APCDD1: variants seen among roughly 807,000 people sequenced by gnomAD.
The protein encoded by APCDD1 is APC down-regulated 1, also known as protein APCDD1.
Under a neutral mutation model 38.1 loss-of-function variants are expected in APCDD1, and 15 were observed. The observed-to-expected ratio is 0.39, with a 90% CI of 0.26 to 0.61. The LOEUF (loss-of-function observed/expected upper bound fraction) is 0.61. Among genes scored for constraint, APCDD1 ranks in the 20% least tolerant of loss-of-function variants. APCDD1 has a pLI of 0.49. For missense variants in APCDD1, 647 were observed against 696.2 expected (o/e 0.93, Z 0.79); for synonymous variants, 261 against 279.7 (o/e 0.93, Z 0.67).
chr18:10,485,591 G>A lies in APCDD1; in HGVS notation c.904G>A (p.Val302Met), dbSNP rs537305657. 2 of 1,613,962 alleles carry A rather than the reference G, an allele frequency of 1.2e-6. No homozygotes were observed. The highest frequency in any genetic ancestry group is 2.2e-5 in the South Asian group (2 of 91,066). Reference sequence around the variant, plus strand: ...GGAGTGGGTGAGCCAGCGCTGTGAGGTGCGCCCCGAAGTCCTCTTCCTCAC... The same window carrying A: ...GGAGTGGGTGAGCCAGCGCTGTGAGATGCGCCCCGAAGTCCTCTTCCTCAC... ...HGEWVSQRCE[V>M]RPEVLFLTRH... The change falls in exon 4 of 5, where the codon GTG (valine) becomes ATG (methionine). Residue 302 changes from valine to methionine, a missense_variant. By Grantham distance (21) the Val-to-Met change is conservative. Coordinates refer to ENST00000355285, the MANE Select transcript of APCDD1 (RefSeq NM_153000.5). This position sits in a 1 kb window ranked among gnomAD's most constrained non-coding sequence, Gnocchi z 5.8.
In APCDD1 at chr18:10,470,474, A is replaced by G. The variant is rs1028555705; in HGVS notation, c.243-1056A>G. On this transcript the variant is annotated intron_variant, in intron 2 of 4. Transcript: ENST00000355285. The surrounding 1 kb of genome is among the most constrained non-coding windows in gnomAD (Gnocchi z 4.1). ...AATAATGCTTATCTTTCACCAGTCC[A>G]TCAATGAGCAAATTAAAATGTTAGC... 2.6e-5 allele frequency among the ~76,000 whole-genome samples: 4 copies of G among 152,262 alleles called. No homozygotes were observed. Among genetic ancestry groups the G allele is most frequent in the African/African-American group, 9.6e-5 (4 of 41,480 alleles).
chr18:10,473,894 G>A (rs962969130), intron 3 of APCDD1, among the ~76,000 whole-genome samples: 3 of 151,004 alleles, frequency 2.0e-5, no homozygotes, highest in East Asian at 1.9e-4. Flanking sequence ...CCTTTGGCTC[G>A]CTCTGAGTAT....
chr18:10,478,413 C>G (rs924950622), intron 3 of APCDD1, among the ~76,000 whole-genome samples: 7 of 152,180 alleles, frequency 4.6e-5, no homozygotes, highest in Non-Finnish European at 7.3e-5. Context: ...GCTGCCATAG[C>G]AAAGCAGCAT....
chr18:10,457,564 G>A (rs954804613), intron 1 of APCDD1, among the ~76,000 whole-genome samples: 1 of 152,108 alleles, frequency 6.6e-6, no homozygotes, highest in African/African-American at 2.4e-5. Context: ...CTATTTATGG[G>A]TCAACTTAGT....
chr18:10,459,787 G>A (rs2030482914), intron 1 of APCDD1, among the ~76,000 whole-genome samples: 1 of 152,278 alleles, frequency 6.6e-6, no homozygotes, highest in South Asian at 2.1e-4. Flanking sequence ...AATTGGGCAG[G>A]CAATTTCATG....
At chr18:10,487,005 C>T (rs947321151) in intron 4 of APCDD1, among the ~76,000 whole-genome samples, 1 of 152,196 alleles carries the variant, frequency 6.6e-6, no homozygotes, top group East Asian at 1.9e-4. Flanking sequence ...CTGGAGGGAC[C>T]TTCAGAAGCA....
Position 10,475,520 on chromosome 18 carries a change from G to A in APCDD1, c.774+3459G>A, listed in dbSNP as rs563042970. On this transcript the variant is annotated intron_variant, in intron 3 of 4. Transcript: ENST00000355285. This position sits in a 1 kb window ranked among gnomAD's most constrained non-coding sequence, Gnocchi z 4.0. ...TTTGCAAAGGAATCAGATATTTATG[G>A]AGGAAATTAATGACTGCCTCAGAGG... Among the ~76,000 whole-genome samples, 3 of 152,324 alleles carry A rather than the reference G, an allele frequency of 2.0e-5. No individual in the cohort carries two copies. Among genetic ancestry groups the A allele is most frequent in the East Asian group, 1.9e-4 (1 of 5,180 alleles).
At chr18:10,483,140 G>T (rs923426623) in intron 3 of APCDD1, among the ~76,000 whole-genome samples, 3 of 152,250 alleles carry the variant, frequency 2.0e-5, no homozygotes, top group African/African-American at 7.2e-5. Context: ...AAAATCACCA[G>T]CTGTGAAGCG....
chr18:10,486,777 A>T (rs1034672210), intron 4 of APCDD1, among the ~76,000 whole-genome samples: 1 of 152,202 alleles, frequency 6.6e-6, no homozygotes, highest in African/African-American at 2.4e-5. Flanking sequence ...GATAGCCTCG[A>T]TCCCAGGTGA....
Position 10,488,123 on chromosome 18 carries a change from T to C in APCDD1, c.*85T>C. 2 of 1,503,168 alleles carry C rather than the reference T, an allele frequency of 1.3e-6. No homozygotes were observed. Among genetic ancestry groups the C allele is most frequent in the Non-Finnish European group, 1.8e-6 (2 of 1,105,664 alleles). The allele number at this position is 1,503,168 out of a possible 1,614,324, so 93.1% of individuals were successfully genotyped here. ...TACCAAAAGAAAAGACATTTATTCT[T>C]TTGATGCACTTGAATGCCAGAGAAC... On this transcript the variant is annotated 3_prime_UTR_variant, in exon 5 of 5. Coordinates refer to ENST00000355285, the MANE Select transcript of APCDD1 (RefSeq NM_153000.5).
chr18:10,479,964 A>C (rs1012975736), intron 3 of APCDD1, among the ~76,000 whole-genome samples: 1 of 152,216 alleles, frequency 6.6e-6, no homozygotes, highest in African/African-American at 2.4e-5. Flanking sequence ...GATTATTTGC[A>C]TGGGATCCTT....
rs2031241331 is a variant in APCDD1 at position 10,485,868 on chromosome 18, CCT to C, written c.1096+88_1096+89del. ...GTGGAGGCAGAGCTGAGGGAAAGGA[CCT>C]CTTTTCTGCCTGAGTTCCCAGGAAA... On this transcript the variant is annotated intron_variant, in intron 4 of 4. Coordinates refer to ENST00000355285, the MANE Select transcript of APCDD1 (RefSeq NM_153000.5). The surrounding 1 kb of genome is among the most constrained non-coding windows in gnomAD (Gnocchi z 5.8). 1.4e-6 allele frequency: 2 copies of C among 1,443,988 alleles called. No individual in the cohort carries two copies. The highest frequency in any genetic ancestry group is 1.9e-6 in the Non-Finnish European group (2 of 1,054,438). 89.4% of individuals were successfully genotyped at this position (1,443,988 alleles called of 1,614,324 possible).
At chr18:10,466,315 C>G (rs548168713) in intron 1 of APCDD1, among the ~76,000 whole-genome samples, 1 of 152,290 alleles carries the variant, frequency 6.6e-6, no homozygotes, top group East Asian at 1.9e-4. Flanking sequence ...TGGTTCAGAA[C>G]TAAGGGGGCG....
Position 10,454,698 on chromosome 18 carries a change from G to A in APCDD1, c.-284G>A. ...GCAGCTCAGAGCGGCGCACGCGGCG[G>A]CCGGGGCGGGACGCGGGGCCGGGCG... is the stretch of plus-strand genomic sequence containing the variant. On this transcript the variant is annotated 5_prime_UTR_variant, in exon 1 of 5. Coordinates refer to ENST00000355285, the MANE Select transcript of APCDD1 (RefSeq NM_153000.5). The A allele has an allele frequency of 1.0e-6, 1 of 984,608 alleles. No individual in the cohort carries two copies. The highest frequency in any genetic ancestry group is 1.2e-6 in the Non-Finnish European group (1 of 830,328). 61.0% of individuals were successfully genotyped at this position (984,608 alleles called of 1,614,324 possible). A position where few individuals can be genotyped will look rare whatever the true frequency, so the allele number is the denominator to read the frequency against.
intron 1 of APCDD1, among the ~76,000 whole-genome samples, chr18:10,462,160 G>A (rs1046930541): frequency 6.9e-6 from 1 of 144,528 alleles, no homozygotes; most frequent in African/African-American, 2.9e-5. Context: ...CCAATTAAGT[G>A]GGGGGGGCTT....
chr18:10,468,458 T>C lies in APCDD1; in HGVS notation c.59-11T>C. 1 of 1,614,176 alleles carries C rather than the reference T, an allele frequency of 6.2e-7. No homozygotes were observed. The highest frequency in any genetic ancestry group is 1.7e-5 in the Admixed American group (1 of 60,036). On this transcript the variant is annotated splice_polypyrimidine_tract_variant and intron_variant, in intron 1 of 4. Coordinates refer to ENST00000355285, the MANE Select transcript of APCDD1 (RefSeq NM_153000.5). ...TCTTCTTTTGGCTAACTTTCCACCT[T>C]TATTTTTCAGGGCTGGGAGAGGGTT... is the stretch of plus-strand genomic sequence containing the variant.
At chr18:10,487,238 C>T (rs1386142941) in intron 4 of APCDD1, among the ~76,000 whole-genome samples, 1 of 152,222 alleles carries the variant, frequency 6.6e-6, no homozygotes, top group African/African-American at 2.4e-5. Context: ...CCCAACGAGT[C>T]AGCATCACCA....
At chr18:10,484,577 C>G (rs1045554346) in intron 3 of APCDD1, among the ~76,000 whole-genome samples, 2 of 152,118 alleles carry the variant, frequency 1.3e-5, no homozygotes, top group African/African-American at 4.8e-5. Flanking sequence ...TTAAACCACT[C>G]CTTGTCCCCC....
chr18:10,479,793 T>A (rs1421773533), intron 3 of APCDD1, among the ~76,000 whole-genome samples: 1 of 152,150 alleles, frequency 6.6e-6, no homozygotes, highest in East Asian at 1.9e-4. Context: ...GACTCGAATA[T>A]CCTGTAAATG....
Sources: gnomAD v4.1 joint callset for allele counts (sites outside exome capture counted in the v4.1 genomes callset) on GRCh38, gnomAD v4.1.1 for gene constraint, Gnocchi (gnomAD v3.1) non-coding constraint, MANE v1.5 for transcripts, NCBI Gene and HGNC (gene_info 2026-07-23, HGNC 2026-07-21) for gene names.